Variants in POGZ observed in about 807,000 individuals in gnomAD.
POGZ encodes the protein pogo transposable element derived with ZNF domain.
POGZ carries 17 observed loss-of-function variants against 134.6 expected under a neutral mutation model. The ratio of observed to expected loss-of-function variants is 0.13; its 90% CI spans 0.09 to 0.19. POGZ has a LOEUF of 0.19. Ranked by LOEUF, POGZ falls within the 10% of genes least tolerant of loss-of-function variation. The pLI is 1.00. For synonymous variants in POGZ, 693 were observed against 657.1 expected, an observed-to-expected ratio of 1.05 and a Z score of -0.84; for missense variants, 1,306 against 1,769.7, an observed-to-expected ratio of 0.74 and a Z score of 4.70.
rs1653093472 is a variant in POGZ, at chr1:151,403,695, G to A, written c.*1107C>T. 3 of 985,696 alleles carry A rather than the reference G, an allele frequency of 3.0e-6. No individual in the cohort carries two copies. In the Admixed American group the frequency reaches 1.8e-4, roughly 61 times the overall value. The allele number at this position is 985,696 out of a possible 1,614,324, so 61.1% of individuals were successfully genotyped here. On this transcript the variant is annotated 3_prime_UTR_variant, in exon 19 of 19. Transcript: ENST00000271715. ...TGTCAGATTCTTCCCTAAGTATTAA[G>A]AGAAATAGGGGAAAGCCACAGAGCA...
At chr1:151,420,395 T>C (rs1259703076) in intron 10 of POGZ, among the ~76,000 whole-genome samples, 1 of 152,150 alleles carries the variant, frequency 6.6e-6, no homozygotes, top group African/African-American at 2.4e-5. Flanking sequence ...TGGTTCACTC[T>C]AGCCTTGACC....
intron 8 of POGZ, 49 bp from the exon 9 acceptor site, chr1:151,424,335 G>T: frequency 3.4e-6 from 4 of 1,170,390 alleles, no homozygotes; most frequent in Non-Finnish European, 4.9e-6. Flanking sequence ...GGGCTAGAAT[G>T]TGCTAACTCC....
rs774497365 is a variant in POGZ, at chr1:151,405,046, G to A, written c.3989C>T (p.Pro1330Leu). Reference sequence around the variant, plus strand: ...TGAGTTAATGTTGCCATCGGGGCCAGGCAGAACACTAGCCACCAGGAAGGA... The same window carrying A: ...TGAGTTAATGTTGCCATCGGGGCCAAGCAGAACACTAGCCACCAGGAAGGA... ...QRSFLVASVL[P>L]GPDGNINSPT... Residue 1330 changes from proline to leucine, a missense_variant, in exon 19 of 19, where the codon CCT becomes CTT. Pro to Leu is a moderately conservative substitution (Grantham distance 98, BLOSUM62 -3). This residue lies in a region of POGZ where 107 missense variants were observed against 97.9 expected (regional missense o/e 1.09). Coordinates refer to ENST00000271715, the MANE Select transcript of POGZ (RefSeq NM_015100.4). The surrounding 1 kb of genome is among the most constrained non-coding windows in gnomAD (Gnocchi z 4.9). 1.2e-6 allele frequency: 2 copies of A among 1,614,064 alleles called. No individual in the cohort carries two copies. The highest frequency in any genetic ancestry group is 1.1e-5 in the South Asian group (1 of 91,084).
intron 1 of POGZ, among the ~76,000 whole-genome samples, chr1:151,458,872 G>A (rs1267054200): frequency 6.9e-6 from 1 of 145,554 alleles, no homozygotes; most frequent in Admixed American, 6.8e-5. Flanking sequence ...CGGCAGGCAG[G>A]GACCTCCGCC....
chr1:151,454,316 G>C (rs1217717459), intron 1 of POGZ, among the ~76,000 whole-genome samples: 1 of 152,074 alleles, frequency 6.6e-6, no homozygotes, highest in Non-Finnish European at 1.5e-5. Context: ...CTCAATTTTT[G>C]GCTCTAAAAA....
chr1:151,405,117 A>T lies in POGZ; in HGVS notation c.3918T>A (p.Gly1306=). ...VLLQLVLVWL[G]EVLGVIGDCP... is the part of the protein sequence containing the mutation. ...AGTCCCCAATGACACCTAGCACTTC[A>T]CCCAGCCAGACAAGCACCAGCTGAA... The change falls in exon 19 of 19, where the codon GGT becomes GGA. Residue 1306 remains glycine, a synonymous_variant. Coordinates refer to ENST00000271715, the MANE Select transcript of POGZ (RefSeq NM_015100.4). The surrounding 1 kb of genome is among the most constrained non-coding windows in gnomAD (Gnocchi z 4.9). 1 of 1,614,168 alleles carries T rather than the reference A, an allele frequency of 6.2e-7. No individual in the cohort carries two copies. The highest frequency in any genetic ancestry group is 1.1e-5 in the South Asian group (1 of 91,084).
intron 1 of POGZ, among the ~76,000 whole-genome samples, chr1:151,448,241 C>A (rs184634689): frequency 6.6e-6 from 1 of 152,262 alleles, no homozygotes; most frequent in East Asian, 1.9e-4. Flanking sequence ...CCACTCATTA[C>A]TTCCCCTCTT....
In POGZ at chr1:151,458,898, G is replaced by A. The variant is rs1160475831; in HGVS notation, c.-2+254C>T. On this transcript the variant is annotated intron_variant, in intron 1 of 18. Transcript: ENST00000271715. ...GACCTCCGCCGCCGGCCCTTCGCGC[G>A]GCTCCCGCGGCCCGGGGCGCACGCA... Among the ~76,000 whole-genome samples the A allele has an allele frequency of 4.2e-5, 6 of 143,048 alleles. No homozygotes were observed. In the South Asian group the frequency reaches 8.4e-4, roughly 20 times the overall value. 93.8% of individuals were successfully genotyped at this position (143,048 alleles called of 152,430 possible).
In POGZ at chr1:151,428,368, A is replaced by G. The variant is rs1174868030; in HGVS notation, c.614T>C (p.Val205Ala). Residue 205 changes from valine to alanine, a missense_variant, in exon 6 of 19, where the codon GTG (valine) becomes GCG (alanine). Coordinates refer to ENST00000271715, the MANE Select transcript of POGZ (RefSeq NM_015100.4). ...FVKPTVGVPQ[V>A]FSQMTPVRPG... is the part of the protein sequence containing the mutation. ...CCTCACAGGGGTCATCTGGGAGAAC[A>G]CTTGTGGAACTCCAACTGTCGGCTT... 2.5e-6 allele frequency: 4 copies of G among 1,613,608 alleles called. No individual in the cohort carries two copies. The highest frequency in any genetic ancestry group is 1.7e-4 in the Middle Eastern group (1 of 6,058).
chr1:151,440,783 G>A (rs975317679), intron 3 of POGZ, 145 bp downstream of exon 3: 14 of 634,656 alleles, frequency 2.2e-5, no homozygotes, highest in South Asian at 2.3e-5. Flanking sequence ...AATCACTTCC[G>A]TATCAGAGAA....
intron 15 of POGZ, among the ~76,000 whole-genome samples, chr1:151,407,679 A>T (rs1653888616): frequency 6.6e-6 from 1 of 152,162 alleles, no homozygotes; most frequent in South Asian, 2.1e-4. Context: ...GAGGAAACAT[A>T]TTAGAAGCAG....
In POGZ at chr1:151,408,020, A is replaced by T. The variant is rs1337484632; in HGVS notation, c.2375+80T>A. The T allele has an allele frequency of 5.0e-5, 51 of 1,026,174 alleles. No homozygotes were observed. The African/African-American group carries it at 9.4e-4, about 19-fold the overall frequency. 63.6% of individuals were successfully genotyped at this position (1,026,174 alleles called of 1,614,324 possible). Reference sequence around the variant, plus strand: ...GAGTGAGACCCTGTCTTCAAAAAAAAAAAAAAAAAAAGAAGAAGAAGAAGA... The same window carrying T: ...GAGTGAGACCCTGTCTTCAAAAAAATAAAAAAAAAAAGAAGAAGAAGAAGA... On this transcript the variant is annotated intron_variant, in intron 15 of 18. Transcript: ENST00000271715.
chr1:151,458,007 G>C (rs1482996721), intron 1 of POGZ, among the ~76,000 whole-genome samples: 2 of 151,848 alleles, frequency 1.3e-5, no homozygotes, highest in Non-Finnish European at 2.9e-5. Flanking sequence ...TTGGAAGGAC[G>C]GGCTACACCG....
intron 1 of POGZ, among the ~76,000 whole-genome samples, chr1:151,458,770 G>A (rs1487661704): frequency 6.9e-6 from 1 of 145,222 alleles, no homozygotes; most frequent in South Asian, 2.1e-4. Flanking sequence ...CCGAGCGTGC[G>A]TGTGGACGTC....
rs772705385 is a variant in POGZ at position 151,404,545 on chromosome 1, A to AG, written c.*256dup. On this transcript the variant is annotated 3_prime_UTR_variant, in exon 19 of 19. Transcript: ENST00000271715. ...GTGATTTAAATTTAAAAAAAAAAAA[A>AG]GTCACAAAAACCTGTTTTTAGCAGA... 5.1e-5 allele frequency: 59 copies of AG among 1,149,110 alleles called. 1 individual carries two copies. In the South Asian group the frequency reaches 2.4e-3, roughly 46 times the overall value. The allele number at this position is 1,149,110 out of a possible 1,614,324, so 71.2% of individuals were successfully genotyped here.
At chr1:151,416,029 C>T (rs1216598535) in intron 10 of POGZ, among the ~76,000 whole-genome samples, 3 of 151,254 alleles carry the variant, frequency 2.0e-5, no homozygotes, top group African/African-American at 7.3e-5. Flanking sequence ...GCCTGGCCAA[C>T]ATGGCGAAAC....
Position 151,442,192 on chromosome 1 carries a change from C to T in POGZ, c.13G>A (p.Asp5Asn), listed in dbSNP as rs1557938084. The change falls in exon 2 of 19, where the codon GAC (aspartate) becomes AAC (asparagine). Residue 5 changes from aspartate (D) to asparagine (N), a missense_variant. Asp to Asn is a conservative substitution (Grantham distance 23). Transcript: ENST00000271715. ...TCCTCCTCACATTCCATGAACAGGT[C>T]GGTGTCCGCCATGCTATAAGAAAAA... Reference protein sequence around the residue: MADTDLFMECEEEEL... With the variant: MADTNLFMECEEEEL... The T allele has an allele frequency of 1.2e-6, 2 of 1,613,048 alleles. No homozygotes were observed. The highest frequency in any genetic ancestry group is 1.7e-6 in the Non-Finnish European group (2 of 1,179,536).
At chr1:151,451,617 C>T (rs1403732230) in intron 1 of POGZ, among the ~76,000 whole-genome samples, 3 of 151,664 alleles carry the variant, frequency 2.0e-5, no homozygotes, top group Non-Finnish European at 2.9e-5. Context: ...TGAGGCACCG[C>T]GCCTGGCCCA....
intron 7 of POGZ, 111 bp from the exon 8 acceptor site, chr1:151,425,172 CA>C (rs1174974613): frequency 1.3e-4 from 85 of 636,886 alleles, no homozygotes; most frequent in Admixed American, 9.6e-5. Context: ...AAAGGGTAAG[CA>C]AGCATGAGAG....
Sources: allele counts gnomAD v4.1 joint callset (sites outside exome capture counted in the v4.1 genomes callset), GRCh38; gene constraint gnomAD v4.1.1; regional missense constraint gnomAD v4.1.1; non-coding constraint Gnocchi (gnomAD v3.1); transcripts MANE v1.5; gene names NCBI Gene and HGNC (gene_info 2026-07-23, HGNC 2026-07-21).